PPFIBP1: variants seen among roughly 807,000 people sequenced by gnomAD.
PPFIBP1 encodes the protein liprin-beta-1.
Under a neutral mutation model 137.8 loss-of-function variants are expected in PPFIBP1, and 112 were observed. The ratio of observed to expected loss-of-function variants is 0.81; its 90% confidence interval spans 0.70 to 0.95. PPFIBP1 has a LOEUF of 0.95. PPFIBP1 is among the 40% of genes least tolerant of loss of function. The pLI is 0.00. For missense variants in PPFIBP1, 1,083 were observed against 1,196.6 expected, an observed-to-expected ratio of 0.91 and a Z score of 1.40; for synonymous variants, 378 against 417.3, an observed-to-expected ratio of 0.91 and a Z score of 1.15.
chr12:27,629,442 C>T (rs189232999), intron 2 of PPFIBP1, among the ~76,000 whole-genome samples: 177 of 152,298 alleles, frequency 1.2e-3, no homozygotes, highest in African/African-American at 3.9e-3. Flanking sequence ...AATTATTGCT[C>T]TACCTTCTAT....
intron 17 of PPFIBP1, among the ~76,000 whole-genome samples, chr12:27,676,162 T>C (rs2060496663): frequency 1.3e-5 from 2 of 152,224 alleles, no homozygotes; most frequent in Non-Finnish European, 2.9e-5. Context: ...GTATCCTAAA[T>C]ATTTAAAGCC....
At chr12:27,679,079 G>T (rs1276959906) in intron 19 of PPFIBP1, among the ~76,000 whole-genome samples, 3 of 151,964 alleles carry the variant, frequency 2.0e-5, no homozygotes, top group Non-Finnish European at 4.4e-5. Context: ...AAAAAAGCAG[G>T]GGTGCTACAG....
chr12:27,669,716 T>C (rs1015960983), intron 13 of PPFIBP1, among the ~76,000 whole-genome samples: 1 of 152,226 alleles, frequency 6.6e-6, no homozygotes, highest in Non-Finnish European at 1.5e-5. Context: ...ACTGAAAAGA[T>C]TGATAGTTAA....
At position 27,654,550 on chromosome 12, in the gene PPFIBP1, A is replaced by G. The variant is rs1409750190; in HGVS notation, c.604-172A>G. ...GATTTAAAGGAATGTTTTAAATGGA[A>G]AGATGCCTTCGTTCTTAAGGAGGTA... On this transcript the variant is annotated intron_variant, in intron 7 of 29. Coordinates refer to ENST00000228425, the MANE Select transcript of PPFIBP1 (RefSeq NM_003622.4). The G allele has an allele frequency of 2.0e-5, 16 of 784,492 alleles. No individual in the cohort carries two copies. The African/African-American group carries it at 2.3e-4, about 11-fold the overall frequency. The allele number at this position is 784,492 out of a possible 1,614,324, so 48.6% of individuals were successfully genotyped here. A position where few individuals can be genotyped will look rare whatever the true frequency, so the allele number is the denominator to read the frequency against.
At chr12:27,672,343 G>C in intron 14 of PPFIBP1, 84 bp from the exon 15 acceptor site, 1 of 1,080,578 alleles carries the variant, frequency 9.3e-7, no homozygotes, top group Non-Finnish European at 1.3e-6. Context: ...ATAATTTTTT[G>C]TTTTTGACTT....
chr12:27,651,816 G>A (rs970715613), intron 7 of PPFIBP1, among the ~76,000 whole-genome samples: 3 of 152,126 alleles, frequency 2.0e-5, no homozygotes, highest in Non-Finnish European at 4.4e-5. Flanking sequence ...GTTACTTATT[G>A]TTGTAAGCGC....
chr12:27,676,490 C>A lies in PPFIBP1; in HGVS notation c.1473C>A (p.Asp491Glu). ...TTCCTCCCAGGCCCCCAGGGCAGGA[C>A]ACCTCCATGGATGACAACCCCTTCG... The part of the protein sequence containing the change: ...GTLPPRPPGQ[D>E]TSMDDNPFGT... Residue 491 changes from aspartate (D) to glutamate (E), a missense_variant, in exon 18 of 30, where the codon GAC becomes GAA. By Grantham distance (45) the Asp-to-Glu change is conservative (BLOSUM62 2). Coordinates refer to ENST00000228425, the MANE Select transcript of PPFIBP1 (RefSeq NM_003622.4). 6.2e-7 allele frequency: 1 copy of A among 1,605,912 alleles called. No individual in the cohort carries two copies. Among genetic ancestry groups the A allele is most frequent in the Non-Finnish European group, 8.5e-7 (1 of 1,175,344 alleles).
chr12:27,619,906 G>A lies in PPFIBP1; in HGVS notation c.-35-13456G>A, dbSNP rs148911897. 1.0e-3 allele frequency among the ~76,000 whole-genome samples: 155 copies of A among 151,164 alleles called. 1 individual carries two copies. The Middle Eastern group carries it at 0.011, about 10-fold the overall frequency. On this transcript the variant is annotated intron_variant, in intron 2 of 29. Transcript: ENST00000228425. ...GTATTCAGAATATATAGCAATATGC[G>A]TTTATATATATACATATATATTTAC...
At chr12:27,603,577 G>A (rs1170590262) in intron 2 of PPFIBP1, among the ~76,000 whole-genome samples, 5 of 152,292 alleles carry the variant, frequency 3.3e-5, no homozygotes, top group East Asian at 1.9e-4. Flanking sequence ...AAGGTGGATC[G>A]AATTCATTCT....
chr12:27,688,936 T>C, intron 26 of PPFIBP1, 79 bp from the exon 27 acceptor site: 1 of 1,449,036 alleles, frequency 6.9e-7, no homozygotes, highest in African/African-American at 1.4e-5. Flanking sequence ...AGAGAAAGCT[T>C]TGCAAATTAT....
chr12:27,653,612 G>A (rs2059017644), intron 7 of PPFIBP1, among the ~76,000 whole-genome samples: 1 of 148,778 alleles, frequency 6.7e-6, no homozygotes, highest in South Asian at 2.1e-4. Flanking sequence ...AAAAAAAGGA[G>A]AGGGAGAGAG....
At chr12:27,585,230 AAC>A (rs2137076743) in intron 2 of PPFIBP1, among the ~76,000 whole-genome samples, 1 of 152,362 alleles carries the variant, frequency 6.6e-6, no homozygotes, top group East Asian at 1.9e-4. Context: ...TTAAATTTAA[AAC>A]AGAGGTGACT....
Position 27,634,909 on chromosome 12 carries a change from G to A in PPFIBP1, c.65-1G>A. On this transcript the variant is annotated splice_acceptor_variant, in intron 3 of 29. Coordinates refer to ENST00000228425, the MANE Select transcript of PPFIBP1 (RefSeq NM_003622.4). LOFTEE classifies it high-confidence loss of function. Reference sequence around the variant, plus strand: ...TCTCTCTGTGATTTTGTTTAACTTAGGTTCTAAGGCTCTGGAATATTCCAA... The same window carrying A: ...TCTCTCTGTGATTTTGTTTAACTTAAGTTCTAAGGCTCTGGAATATTCCAA... 1 of 1,612,958 alleles carries A rather than the reference G, an allele frequency of 6.2e-7. No individual in the cohort carries two copies. Among genetic ancestry groups the A allele is most frequent in the Non-Finnish European group, 8.5e-7 (1 of 1,179,224 alleles).
chr12:27,560,343 G>A (rs540785492), intron 1 of PPFIBP1, among the ~76,000 whole-genome samples: 1 of 152,108 alleles, frequency 6.6e-6, no homozygotes, highest in Non-Finnish European at 1.5e-5. Context: ...TTCTTTCGGT[G>A]GTTTGGATTT....
chr12:27,564,160 C>T (rs1436769432), intron 1 of PPFIBP1, among the ~76,000 whole-genome samples: 2 of 152,164 alleles, frequency 1.3e-5, no homozygotes, highest in East Asian at 1.9e-4. Context: ...CGTGAGCCAC[C>T]GTGCCTGGCC....
Position 27,676,436 on chromosome 12 carries a change from T to C in PPFIBP1, c.1419T>C (p.Ala473=), listed in dbSNP as rs35150305. ...TCTTATTTGCCTCTCAGGACAGAGCTCCGGCAGAAAGCAGGCCATTTGGGA... is the reference window on the plus strand; with the variant it reads ...TCTTATTTGCCTCTCAGGACAGAGCCCCGGCAGAAAGCAGGCCATTTGGGA... ...ETIQKTSEDR[A]PAESRPFGTL... The change falls in exon 18 of 30, where the codon GCT becomes GCC. Residue 473 remains alanine (A), a synonymous_variant. Transcript: ENST00000228425. The C allele has an allele frequency of 4.5e-3, 6,945 of 1,536,054 alleles. 261 individuals are homozygous for C. The African/African-American group carries it at 0.084, about 19-fold the overall frequency.
At chr12:27,602,484 C>T (rs1167681197) in intron 2 of PPFIBP1, among the ~76,000 whole-genome samples, 5 of 152,144 alleles carry the variant, frequency 3.3e-5, no homozygotes, top group Admixed American at 3.3e-4. Context: ...CTGTAGTCAC[C>T]ATGCTGTACA....
At position 27,623,103 on chromosome 12, in the gene PPFIBP1, A is replaced by G. The variant is rs538361562; in HGVS notation, c.-35-10259A>G. On this transcript the variant is annotated intron_variant, in intron 2 of 29. Transcript: ENST00000228425. ...GCAGTCCATGTAGCCTGCATACATT[A>G]GGTTGGTAGGCCTGTGAAGGAAAAT... is the stretch of plus-strand genomic sequence containing the variant. Among the ~76,000 whole-genome samples, 409 of 152,242 alleles carry G rather than the reference A, an allele frequency of 2.7e-3. 2 individuals carry two copies. Among genetic ancestry groups the G allele is most frequent in the Non-Finnish European group, 3.8e-3 (260 of 68,008 alleles).
chr12:27,595,731 G>A (rs1592718612), intron 2 of PPFIBP1, among the ~76,000 whole-genome samples: 1 of 151,724 alleles, frequency 6.6e-6, no homozygotes, highest in South Asian at 2.1e-4. Flanking sequence ...GCCCATGCCT[G>A]TAATCCCAGC....
Sources: gnomAD v4.1 joint callset for allele counts (sites outside exome capture counted in the v4.1 genomes callset) on GRCh38, gnomAD v4.1.1 for gene constraint, MANE v1.5 for transcripts, NCBI Gene and HGNC (gene_info 2026-07-23, HGNC 2026-07-21) for gene names.